ANK3: variants seen among roughly 807,000 people sequenced by gnomAD.
The protein encoded by ANK3 is ankyrin-3.
ANK3 carries 57 observed loss-of-function variants against 370.9 expected under a neutral mutation model. That is an observed-to-expected ratio of 0.15 (90% CI 0.12 to 0.19). The LOEUF is 0.19. Ranked by LOEUF, ANK3 falls within the 10% of genes least tolerant of loss-of-function variation. The probability of loss-of-function intolerance (pLI) is 1.00; values close to 1 mark genes in which losing one functional copy is unlikely to be tolerated. For missense variants in ANK3, 4,439 were observed against 5,302.1 expected (o/e 0.84, Z 5.06); for synonymous variants, 1,929 against 1,946.3 (o/e 0.99, Z 0.23).
At chr10:60,050,987 C>CTGAT (rs1347406566) in intron 42 of ANK3, among the ~76,000 whole-genome samples, 3 of 151,708 alleles carry the variant, frequency 2.0e-5, no homozygotes, top group Non-Finnish European at 4.4e-5. Context: ...TTCTCAGCCA[C>CTGAT]TGATTGCTTA....
intron 9 of ANK3, among the ~76,000 whole-genome samples, chr10:60,210,599 G>A (rs983277684): frequency 2.0e-5 from 3 of 152,162 alleles, no homozygotes; most frequent in African/African-American, 2.4e-5. Context: ...AACACAGCAG[G>A]TGTAATAGAT....
intron 1 of ANK3, among the ~76,000 whole-genome samples, chr10:60,677,562 C>T (rs558714541): frequency 6.6e-6 from 1 of 151,932 alleles, no homozygotes; most frequent in African/African-American, 2.4e-5. Flanking sequence ...AAGGTTGCAA[C>T]CTTACCATTC....
At chr10:60,637,632 A>C (rs2078572856) in intron 1 of ANK3, among the ~76,000 whole-genome samples, 1 of 152,242 alleles carries the variant, frequency 6.6e-6, no homozygotes, top group Non-Finnish European at 1.5e-5. Flanking sequence ...ACTGGAATCA[A>C]GTATAATATT....
In ANK3 at chr10:60,074,046, C is replaced by A. The variant is rs2083290546; in HGVS notation, c.6835G>T (p.Ala2279Ser). ...GAAGGATCCCGCCCGGACTGAAAGG[C>A]CTTCATGATGTCATGGACTGACATG... is the stretch of plus-strand genomic sequence containing the variant. ...ETMSVHDIMK[A>S]FQSGRDPSKE... The change falls in exon 37 of 44, where the codon GCC becomes TCC. Residue 2279 changes from alanine to serine, a missense_variant. Physicochemically the swap from Ala to Ser is moderately conservative, Grantham distance 99. This residue lies in a region of ANK3 where 1,601 missense variants were observed against 1,731.7 expected (regional missense o/e 0.92). Coordinates refer to ENST00000280772, the MANE Select transcript of ANK3 (RefSeq NM_020987.5). The A allele has an allele frequency of 6.2e-7, 1 of 1,613,930 alleles. No homozygotes were observed. Among genetic ancestry groups the A allele is most frequent in the Non-Finnish European group, 8.5e-7 (1 of 1,180,008 alleles).
intron 2 of ANK3, among the ~76,000 whole-genome samples, chr10:60,469,683 T>A (rs1359029542): frequency 1.9e-5 from 2 of 106,428 alleles, no homozygotes; most frequent in Non-Finnish European, 3.9e-5. Context: ...ATATATATGG[T>A]GGTATATATA....
At chr10:60,260,305 T>C (rs920527089) in intron 7 of ANK3, among the ~76,000 whole-genome samples, 1 of 152,188 alleles carries the variant, frequency 6.6e-6, no homozygotes, top group East Asian at 1.9e-4. Context: ...TTCCTTATAT[T>C]AGTATACGTG....
chr10:60,613,117 T>C (rs916465006), intron 2 of ANK3, among the ~76,000 whole-genome samples: 2 of 152,218 alleles, frequency 1.3e-5, no homozygotes, highest in Non-Finnish European at 2.9e-5. Context: ...TATATTTTTG[T>C]TCTTCATCAG....
chr10:60,244,373 A>G (rs2097522554), intron 7 of ANK3, among the ~76,000 whole-genome samples: 2 of 152,210 alleles, frequency 1.3e-5, no homozygotes, highest in Non-Finnish European at 2.9e-5. Context: ...AATCTTGTAG[A>G]TAATGAAAGA....
At position 60,459,960 on chromosome 10, in the gene ANK3, G is replaced by A. The variant is rs185359443; in HGVS notation, c.96+155226C>T. ...TGGCAAGAGCTTCAAAAGCAGAGTC[G>A]AGCATATGAGACACAAGCCTGAGAA... On this transcript the variant is annotated intron_variant, in intron 2 of 43. Coordinates refer to the ANK3 transcript ENST00000373827. 3.9e-5 allele frequency among the ~76,000 whole-genome samples: 6 copies of A among 152,138 alleles called. No individual in the cohort carries two copies. The East Asian group carries it at 9.7e-4, about 24-fold the overall frequency.
At chr10:60,177,704 T>C (rs1019606286) in intron 18 of ANK3, among the ~76,000 whole-genome samples, 4 of 148,988 alleles carry the variant, frequency 2.7e-5, no homozygotes, top group African/African-American at 9.9e-5. Flanking sequence ...TTCACACCAT[T>C]CTTCTGCCTC....
intron 33 of ANK3, among the ~76,000 whole-genome samples, chr10:60,082,954 T>C (rs1023341962): frequency 1.3e-5 from 2 of 152,226 alleles, no homozygotes; most frequent in African/African-American, 4.8e-5. Context: ...TTGTTGTGTC[T>C]GATGATCTAA....
chr10:60,404,006 A>T (rs956312363), intron 2 of ANK3, among the ~76,000 whole-genome samples: 8 of 152,246 alleles, frequency 5.3e-5, no homozygotes, highest in Admixed American at 3.3e-4. Flanking sequence ...TTTTTAAAGT[A>T]TCAAAAACCA....
At chr10:60,096,536 A>C (rs2132053880) in intron 28 of ANK3, among the ~76,000 whole-genome samples, 1 of 152,334 alleles carries the variant, frequency 6.6e-6, no homozygotes, top group Non-Finnish European at 1.5e-5. Flanking sequence ...ACTACATGTT[A>C]GTACCACAGA....
chr10:60,331,191 AC>A (rs2051194345), intron 1 of ANK3, among the ~76,000 whole-genome samples: 1 of 152,100 alleles, frequency 6.6e-6, no homozygotes, highest in African/African-American at 2.4e-5. Context: ...GGTGCAGCAA[AC>A]CACCATGGCA....
At chr10:60,623,918 A>G (rs566981311) in intron 1 of ANK3, among the ~76,000 whole-genome samples, 124 of 152,274 alleles carry the variant, frequency 8.1e-4, no homozygotes, top group African/African-American at 1.9e-3. Flanking sequence ...GCAATCAACA[A>G]TATCTCTGTG....
chr10:60,728,777 A>C (rs1210755978), intron 1 of ANK3, among the ~76,000 whole-genome samples: 1 of 152,184 alleles, frequency 6.6e-6, no homozygotes, highest in Non-Finnish European at 1.5e-5. Flanking sequence ...GTTACCAGAC[A>C]AAGGTTCCAA....
intron 8 of ANK3, among the ~76,000 whole-genome samples, chr10:60,218,654 G>A (rs973024888): frequency 6.6e-6 from 1 of 152,226 alleles, no homozygotes; most frequent in East Asian, 1.9e-4. Flanking sequence ...GAGGTCCGCT[G>A]TTAGTCTGAT....
intron 1 of ANK3, among the ~76,000 whole-genome samples, chr10:60,719,000 T>C (rs1184387072): frequency 6.6e-6 from 1 of 152,164 alleles, no homozygotes; most frequent in Non-Finnish European, 1.5e-5. Context: ...GAAAAGCTAA[T>C]AAATCTTCCT....
intron 2 of ANK3, among the ~76,000 whole-genome samples, chr10:60,456,336 A>G (rs540278687): frequency 6.6e-6 from 1 of 152,316 alleles, no homozygotes; most frequent in Non-Finnish European, 1.5e-5. Context: ...ATTTCCTATC[A>G]TTAGTCAAAA....
Sources: gnomAD v4.1 joint callset for allele counts (sites outside exome capture counted in the v4.1 genomes callset) on GRCh38, gnomAD v4.1.1 for gene constraint, gnomAD v4.1.1 regional missense constraint, MANE v1.5 for transcripts, NCBI Gene and HGNC (gene_info 2026-07-23, HGNC 2026-07-21) for gene names.